The following CPAP variants were observed in gnomAD, a reference collection of about 807,000 sequenced individuals.
The protein encoded by CPAP is centrosome assembly and centriole elongation protein, also known as centrosomal P4.1-associated protein.
chr13:24,896,811 C>T, the CPAP span, among the ~76,000 whole-genome samples: 2 of 152,168 alleles, frequency 1.3e-5, no homozygotes, highest in Admixed American at 1.3e-4. Context: ...GCAAGGTTAT[C>T]TCTAATCCTA....
the CPAP span, chr13:24,906,307 T>C: frequency 6.2e-7 from 1 of 1,601,268 alleles, no homozygotes; most frequent in Non-Finnish European, 8.5e-7. Flanking sequence ...AAAACAAAAA[T>C]TCATCTAATT....
At chr13:24,910,517 G>A in the CPAP span, among the ~76,000 whole-genome samples, 517 of 152,216 alleles carry the variant, frequency 3.4e-3, 1 homozygote, top group African/African-American at 0.012. Flanking sequence ...GAGCCACTAT[G>A]TCTAGCCTGT....
chr13:24,921,650 C>A, the CPAP span, among the ~76,000 whole-genome samples: 1 of 151,480 alleles, frequency 6.6e-6, no homozygotes, highest in Non-Finnish European at 1.5e-5. Context: ...AAATCAACCA[C>A]GTAACTTTGC....
the CPAP span, chr13:24,912,103 A>G: frequency 6.3e-7 from 1 of 1,589,430 alleles, no homozygotes; most frequent in African/African-American, 1.3e-5. Context: ...TATTAAATCA[A>G]CTTTACAATT....
At chr13:24,884,597 G>A in the CPAP span, 12 of 840,396 alleles carry the variant, frequency 1.4e-5, no homozygotes, top group African/African-American at 1.7e-5. Flanking sequence ...CCTTTATTTC[G>A]TGAGGAGTAG....
At chr13:24,909,795 G>A in the CPAP span, 1 of 1,611,116 alleles carries the variant, frequency 6.2e-7, no homozygotes, top group Non-Finnish European at 8.5e-7. Context: ...CTCACCTGTA[G>A]GATGGTTACG....
At chr13:24,884,515 T>C in the CPAP span, 1 of 1,568,776 alleles carries the variant, frequency 6.4e-7, no homozygotes, top group Non-Finnish European at 8.8e-7. Context: ...GACGAAAGTA[T>C]GGCTAATTCT....
At chr13:24,908,435 C>CCA in the CPAP span, among the ~76,000 whole-genome samples, 1 of 80,904 alleles carries the variant, frequency 1.2e-5, no homozygotes, top group East Asian at 3.2e-4. Context: ...CCCGTCTCTA[C>CCA]AAAAAAAAAA....
At chr13:24,882,940 T>C in the CPAP span, 1 of 518,418 alleles carries the variant, frequency 1.9e-6, no homozygotes, top group Non-Finnish European at 3.5e-6. Flanking sequence ...GTACACAATT[T>C]CTAAACAGTC....
the CPAP span, among the ~76,000 whole-genome samples, chr13:24,927,199 A>G: frequency 2.2e-4 from 34 of 152,096 alleles, no homozygotes; most frequent in Admixed American, 2.0e-3. Context: ...TATTAGCCCA[A>G]TGGGGGGGTC....
the CPAP span, chr13:24,906,088 C>T: frequency 9.9e-6 from 16 of 1,612,882 alleles, no homozygotes; most frequent in Non-Finnish European, 1.3e-5. Flanking sequence ...CGACTTCACA[C>T]TCACTCTCCT....
chr13:24,909,911 A>G, the CPAP span: 1 of 1,614,168 alleles, frequency 6.2e-7, no homozygotes, highest in Admixed American at 1.7e-5. Flanking sequence ...AATCTCCATG[A>G]GCAGTTCTAC....
the CPAP span, among the ~76,000 whole-genome samples, chr13:24,897,807 C>T: frequency 1.3e-5 from 2 of 152,102 alleles, no homozygotes; most frequent in Non-Finnish European, 2.9e-5. Context: ...TAAAAAGATA[C>T]CAAACGACTG....
the CPAP span, among the ~76,000 whole-genome samples, chr13:24,891,831 C>A: frequency 2.0e-5 from 3 of 152,136 alleles, no homozygotes; most frequent in African/African-American, 7.2e-5. Context: ...CAGCCCACCC[C>A]GAGGGCTGGC....
the CPAP span, chr13:24,885,894 G>A: frequency 1.8e-6 from 1 of 545,322 alleles, no homozygotes; most frequent in Non-Finnish European, 3.3e-6. Flanking sequence ...TTACAATCCT[G>A]GGGAAGAGAC....
the CPAP span, among the ~76,000 whole-genome samples, chr13:24,897,363 C>G: frequency 6.6e-6 from 1 of 152,186 alleles, no homozygotes; most frequent in Admixed American, 6.5e-5. Flanking sequence ...TAGAGATATA[C>G]TCCAGGACAT....
At chr13:24,908,651 A>G in the CPAP span, among the ~76,000 whole-genome samples, 2 of 152,094 alleles carry the variant, frequency 1.3e-5, no homozygotes, top group African/African-American at 4.8e-5. Flanking sequence ...TAATGTCATG[A>G]GGAAAAAAGT....
At chr13:24,899,712 A>C in the CPAP span, 1 of 738,172 alleles carries the variant, frequency 1.4e-6, no homozygotes, top group Admixed American at 2.1e-5. Flanking sequence ...CTGAAATAAC[A>C]GCCAATCCAC....
At chr13:24,920,464 T>C in the CPAP span, among the ~76,000 whole-genome samples, 9 of 152,240 alleles carry the variant, frequency 5.9e-5, 1 homozygote, top group South Asian at 1.9e-3. Flanking sequence ...AACCATTTAA[T>C]AACCAAAAAC....
Sources: gnomAD v4.1 joint callset for allele counts (sites outside exome capture counted in the v4.1 genomes callset) on GRCh38, gnomAD v4.1.1 for gene constraint, MANE v1.5 for transcripts, NCBI Gene and HGNC (gene_info 2026-07-23, HGNC 2026-07-21) for gene names.